The following ZNF215 variants were observed in gnomAD, a reference collection of about 807,000 sequenced individuals.
ZNF215 encodes BWSCR2-associated zinc finger protein 2.
Under a neutral mutation model 27.2 loss-of-function variants are expected in ZNF215, and 24 were observed. The observed-to-expected ratio is 0.88, with a 90% CI of 0.64 to 1.24. The LOEUF (loss-of-function observed/expected upper bound fraction) is 1.24, where lower values mean the gene tolerates loss of function less well. Ranked by LOEUF, ZNF215 falls within the 50% of genes most tolerant of loss-of-function variation. The probability of loss-of-function intolerance (pLI) is 0.00; values close to 1 mark genes in which losing one functional copy is unlikely to be tolerated. For synonymous variants in ZNF215, 210 were observed against 204.0 expected (o/e 1.03, Z -0.25); for missense variants, 675 against 605.7 (o/e 1.11, Z -1.20).
At chr11:6,948,435 GA>G (rs1849906807) in intron 6 of ZNF215, among the ~76,000 whole-genome samples, 1 of 151,914 alleles carries the variant, frequency 6.6e-6, no homozygotes, top group South Asian at 2.1e-4. Context: ...CCAAAGCACA[GA>G]TTTGATATGG....
At chr11:6,991,404 G>A (rs1851116143), downstream of ZNF215, among the ~76,000 whole-genome samples, 1 of 152,178 alleles carries the variant, frequency 6.6e-6, no homozygotes, top group Non-Finnish European at 1.5e-5. Context: ...CAGGGCTGGG[G>A]CTGTGGCAGC....
At position 6,955,943 on chromosome 11, in the gene ZNF215, A is replaced by G. The variant is rs777061124; in HGVS notation, c.966A>G (p.Gln322=). ...INSVSSICAI[Q]VGIPSRKGSP... is the part of the protein sequence containing the mutation. ...CAGTTAGCTCAATTTGTGCTATACA[A>G]GTGGGAATTCCTTCAAGAAAGGGGT... The change falls in exon 7 of 7, where the codon CAA becomes CAG. Residue 322 remains glutamine (Q), a synonymous_variant. Coordinates refer to ENST00000278319, the MANE Select transcript of ZNF215 (RefSeq NM_013250.4). 3.7e-6 allele frequency: 6 copies of G among 1,613,210 alleles called. No homozygotes were observed. The highest frequency in any genetic ancestry group is 1.7e-5 in the Admixed American group (1 of 59,852).
chr11:6,949,515 T>C (rs1849963957), intron 6 of ZNF215, among the ~76,000 whole-genome samples: 1 of 152,234 alleles, frequency 6.6e-6, no homozygotes, highest in Non-Finnish European at 1.5e-5. Context: ...GTGAGCATTT[T>C]TTCATGTGTT....
chr11:6,964,285 T>C (rs979196124), intron 5 of ZNF215, among the ~76,000 whole-genome samples: 1 of 152,060 alleles, frequency 6.6e-6, no homozygotes, highest in Non-Finnish European at 1.5e-5. Flanking sequence ...AAAAAGTTTA[T>C]AGTGTTGATG....
downstream of ZNF215, among the ~76,000 whole-genome samples, chr11:6,959,524 C>T (rs1206381110): frequency 2.0e-5 from 3 of 152,176 alleles, no homozygotes; most frequent in East Asian, 3.8e-4. Flanking sequence ...ATGGTTGACT[C>T]ATGACAACCT....
At chr11:6,958,077 A>G (rs1010976556), downstream of ZNF215, 14 of 984,440 alleles carry the variant, frequency 1.4e-5, no homozygotes, top group Middle Eastern at 5.2e-4. Context: ...TTGCAACACA[A>G]GTTTTATTAG....
At chr11:6,943,052 C>T (rs756032807) in intron 4 of ZNF215, 31 bp from the exon 5 acceptor site, 1 of 1,601,968 alleles carries the variant, frequency 6.2e-7, no homozygotes, top group South Asian at 1.1e-5. Context: ...GGGAGTGACA[C>T]CTTTGATTAA....
downstream of ZNF215, among the ~76,000 whole-genome samples, chr11:6,991,909 A>G (rs1365844066): frequency 6.6e-6 from 1 of 152,178 alleles, no homozygotes; most frequent in Admixed American, 6.5e-5. Context: ...CTCTACTGGC[A>G]TCTCCCCGTG....
At chr11:6,964,105 A>G (rs1418101095) in intron 5 of ZNF215, among the ~76,000 whole-genome samples, 1 of 151,962 alleles carries the variant, frequency 6.6e-6, no homozygotes, top group Non-Finnish European at 1.5e-5. Context: ...TTTGTCATAT[A>G]TTTTTGATGA....
At chr11:6,944,400 T>G (rs1849744573) in intron 6 of ZNF215, among the ~76,000 whole-genome samples, 1 of 151,978 alleles carries the variant, frequency 6.6e-6, no homozygotes, top group Non-Finnish European at 1.5e-5. Flanking sequence ...TTCCTTTTTT[T>G]TTTTTTTTTT....
At chr11:6,934,383 A>G (rs1849366031) in intron 3 of ZNF215, among the ~76,000 whole-genome samples, 1 of 152,194 alleles carries the variant, frequency 6.6e-6, no homozygotes, top group Non-Finnish European at 1.5e-5. Context: ...AGTGAGTTAT[A>G]TTAGTTTTCT....
At chr11:6,951,085 A>G (rs1462052009) in intron 6 of ZNF215, among the ~76,000 whole-genome samples, 1 of 152,200 alleles carries the variant, frequency 6.6e-6, no homozygotes, top group Admixed American at 6.5e-5. Context: ...GATGAAGCCC[A>G]CTTGATCATG....
At chr11:6,948,919 T>TC (rs1228742241) in intron 6 of ZNF215, among the ~76,000 whole-genome samples, 1 of 110,012 alleles carries the variant, frequency 9.1e-6, no homozygotes, top group Non-Finnish European at 1.7e-5. Context: ...CCCACAACAG[T>TC]CCCAGAGTGT....
chr11:6,953,201 C>G (rs1285487718), intron 6 of ZNF215, among the ~76,000 whole-genome samples: 4 of 152,238 alleles, frequency 2.6e-5, no homozygotes, highest in South Asian at 2.1e-4. Flanking sequence ...GTGAATCTGA[C>G]AATTGTATGT....
downstream of ZNF215, among the ~76,000 whole-genome samples, chr11:6,992,160 C>T (rs922871099): frequency 6.6e-6 from 1 of 152,154 alleles, no homozygotes; most frequent in African/African-American, 2.4e-5. Context: ...CCTGAAACTA[C>T]ATGGAGAGAG....
chr11:6,984,059 G>T, intron 5 of ZNF215: 1 of 372,248 alleles, frequency 2.7e-6, no homozygotes, highest in Non-Finnish European at 5.1e-6. Flanking sequence ...GCTATCTTTG[G>T]GGGTATGAAG....
chr11:6,969,435 C>T (rs1011207126), intron 5 of ZNF215, among the ~76,000 whole-genome samples: 1 of 151,964 alleles, frequency 6.6e-6, no homozygotes, highest in Non-Finnish European at 1.5e-5. Flanking sequence ...GAAAAAAGCT[C>T]TACTAAAAAA....
At chr11:6,984,036 CAT>C in intron 5 of ZNF215, 1 of 341,228 alleles carries the variant, frequency 2.9e-6, no homozygotes, top group East Asian at 1.1e-4. Flanking sequence ...TAAAAATTAA[CAT>C]ACTCTCAAAC....
At chr11:6,941,978 C>T (rs1414636435) in intron 4 of ZNF215, among the ~76,000 whole-genome samples, 1 of 152,042 alleles carries the variant, frequency 6.6e-6, no homozygotes, top group East Asian at 1.9e-4. Context: ...TAGAAGAAAC[C>T]TCAAAGCATA....
Sources: allele counts gnomAD v4.1 joint callset (sites outside exome capture counted in the v4.1 genomes callset), GRCh38; gene constraint gnomAD v4.1.1; transcripts MANE v1.5; gene names NCBI Gene and HGNC (gene_info 2026-07-23, HGNC 2026-07-21).